The following PPP1R16A variants were observed in gnomAD, a reference collection of about 807,000 sequenced individuals.
PPP1R16A encodes the protein protein phosphatase 1 regulatory subunit 16A, also known as myosin phosphatase-targeting subunit 3.
In PPP1R16A, 39 loss-of-function variants were observed where a neutral mutation model predicts 46.6. That is an observed-to-expected ratio of 0.84 (90% confidence interval 0.65 to 1.09). The LOEUF is 1.09. Ranked by LOEUF, PPP1R16A falls within the 50% of genes least tolerant of loss-of-function variation. PPP1R16A has a pLI of 0.00. For synonymous variants in PPP1R16A, 413 were observed against 321.5 expected, an observed-to-expected ratio of 1.28 and a Z score of -3.04; for missense variants, 798 against 735.6, an observed-to-expected ratio of 1.08 and a Z score of -0.98.
At chr8:144,480,743 C>T (rs1321830098) in intron 1 of PPP1R16A, among the ~76,000 whole-genome samples, 5 of 152,276 alleles carry the variant, frequency 3.3e-5, no homozygotes, top group Non-Finnish European at 7.4e-5. Context: ...CTTGGCCTCC[C>T]GAAGTGCGGG....
In PPP1R16A at chr8:144,499,076, G is replaced by C; in HGVS notation, c.476+15G>C. On this transcript the variant is annotated intron_variant, in intron 5 of 11. Transcript: ENST00000435887. ...CTCATCGCCAGGTAGGGCCTGTTGG[G>C]CGTCCTTGGCAGGGAGAGGCTTCCT... 6.4e-7 allele frequency: 1 copy of C among 1,561,192 alleles called. No homozygotes were observed. The highest frequency in any genetic ancestry group is 2.3e-5 in the East Asian group (1 of 43,980).
chr8:144,481,954 T>C (rs1825446457), intron 1 of PPP1R16A, among the ~76,000 whole-genome samples: 2 of 152,016 alleles, frequency 1.3e-5, no homozygotes, highest in East Asian at 3.9e-4. Context: ...ATTTTTTGTA[T>C]TTTTAGTAGA....
chr8:144,485,635 A>G (rs929267591), intron 1 of PPP1R16A, among the ~76,000 whole-genome samples: 7 of 152,220 alleles, frequency 4.6e-5, no homozygotes, highest in South Asian at 2.1e-4. Flanking sequence ...GCACCTGTCA[A>G]TGGAGTACAG....
chr8:144,492,028 A>G (rs901033819), intron 2 of PPP1R16A, among the ~76,000 whole-genome samples: 2 of 152,266 alleles, frequency 1.3e-5, no homozygotes, highest in South Asian at 2.1e-4. Context: ...TAACTGGGCT[A>G]TTAAAGCCCC....
intron 5 of PPP1R16A, 35 bp downstream of exon 5, chr8:144,499,096 C>A: frequency 6.5e-7 from 1 of 1,546,772 alleles, no homozygotes; most frequent in Non-Finnish European, 8.7e-7. Context: ...CAGGGAGAGG[C>A]TTCCTCTCAG....
rs1421772897 is a variant in PPP1R16A at position 144,500,967 on chromosome 8, C to T, written c.1033C>T (p.Arg345Cys). ...LRRRTSSAGS[R>C]GKVVRRVSLT... is the part of the protein sequence containing the mutation. ...CCGCCGCACCTCCAGCGCCGGCAGCCGCGGGTGAGCGCCGCCCCCAGCAGG... is the reference window on the plus strand; with the variant it reads ...CCGCCGCACCTCCAGCGCCGGCAGCTGCGGGTGAGCGCCGCCCCCAGCAGG... The change falls in exon 10 of 12, where the codon CGC becomes TGC. Residue 345 changes from arginine (R) to cysteine (C), a missense_variant. Physicochemically the swap from Arg to Cys is radical, Grantham distance 180 (BLOSUM62 -3). Transcript: ENST00000435887. 1 of 1,451,220 alleles carries T rather than the reference C, an allele frequency of 6.9e-7. No individual in the cohort carries two copies. Among genetic ancestry groups the T allele is most frequent in the Non-Finnish European group, 9.0e-7 (1 of 1,112,788 alleles). 89.9% of individuals were successfully genotyped at this position (1,451,220 alleles called of 1,614,324 possible). A position where few individuals can be genotyped will look rare whatever the true frequency, so the allele number is the denominator to read the frequency against.
At chr8:144,488,630 G>C (rs1202139973) in intron 1 of PPP1R16A, among the ~76,000 whole-genome samples, 1 of 152,162 alleles carries the variant, frequency 6.6e-6, no homozygotes, top group East Asian at 1.9e-4. Flanking sequence ...GGGATAGGCA[G>C]TCCACAAAGG....
At position 144,493,745 on chromosome 8, in the gene PPP1R16A, C is replaced by T. The variant is rs1318679176; in HGVS notation, c.-734-2716C>T. Among the ~76,000 whole-genome samples the T allele has an allele frequency of 6.6e-6, 1 of 152,154 alleles. No individual in the cohort carries two copies. Among genetic ancestry groups the T allele is most frequent in the Non-Finnish European group, 1.5e-5 (1 of 67,982 alleles). On this transcript the variant is annotated intron_variant, in intron 2 of 11. Transcript: ENST00000435887. This position sits in a 1 kb window ranked among gnomAD's most constrained non-coding sequence, Gnocchi z 4.3. ...GGGGCCCTGGGCTCACTTTGGGTAC[C>T]TCGTTTTCTCTTAGAGGAGGCAGTT...
chr8:144,501,520 G>A lies in PPP1R16A; in HGVS notation c.1204G>A (p.Glu402Lys). 6.5e-7 allele frequency: 1 copy of A among 1,547,752 alleles called. No homozygotes were observed. The highest frequency in any genetic ancestry group is 8.7e-7 in the Non-Finnish European group (1 of 1,145,904). Reference protein sequence around the residue: ...GAELRPPPPEEDNPEVVRPHN... With the variant: ...GAELRPPPPEKDNPEVVRPHN... The stretch of plus-strand genomic sequence containing the variant: ...GCTCTGGGACCTTCACTGCCCGCAG[G>A]AGGACAACCCCGAAGTGGTCAGGCC... Residue 402 changes from glutamate to lysine, a missense_variant and splice_region_variant, in exon 12 of 12, where the codon GAG becomes AAG. Physicochemically the swap from Glu to Lys is moderately conservative, Grantham distance 56. Coordinates refer to ENST00000435887, the MANE Select transcript of PPP1R16A (RefSeq NM_001329443.2).
rs1298602221 is a variant in PPP1R16A, at chr8:144,497,084, T to A, written c.-111T>A. The A allele has an allele frequency of 7.1e-7, 1 of 1,401,774 alleles. No individual in the cohort carries two copies. The highest frequency in any genetic ancestry group is 1.4e-5 in the African/African-American group (1 of 70,312). 86.8% of individuals were successfully genotyped at this position (1,401,774 alleles called of 1,614,324 possible). A position where few individuals can be genotyped will look rare whatever the true frequency, so the allele number is the denominator to read the frequency against. ...AGGGCACGAAGCTCTGGGAAGGGGA[T>A]GCCCCCGAGGGTGCCAGTCCAGCTA... is the stretch of plus-strand genomic sequence containing the variant. On this transcript the variant is annotated 5_prime_UTR_variant, in exon 3 of 12. It removes an upstream start codon present in the reference 5' UTR. Coordinates refer to ENST00000435887, the MANE Select transcript of PPP1R16A (RefSeq NM_001329443.2).
In PPP1R16A at chr8:144,500,174, C is replaced by T; in HGVS notation, c.555C>T (p.Cys185=). The change falls in exon 6 of 12, where the codon TGC becomes TGT. Residue 185 remains cysteine (C), a synonymous_variant. Coordinates refer to ENST00000435887, the MANE Select transcript of PPP1R16A (RefSeq NM_001329443.2). ...GTGATGATGAGCAGACGCTGGACTG[C>T]CTGGAGACTGCCATGGCCGACCGTG... ...DLCDDEQTLD[C]LETAMADRGI... 1 of 1,611,142 alleles carries T rather than the reference C, an allele frequency of 6.2e-7. No homozygotes were observed. The highest frequency in any genetic ancestry group is 8.5e-7 in the Non-Finnish European group (1 of 1,178,884).
chr8:144,485,401 G>C (rs1288526460), intron 1 of PPP1R16A, among the ~76,000 whole-genome samples: 2 of 151,632 alleles, frequency 1.3e-5, no homozygotes, highest in Non-Finnish European at 2.9e-5. Context: ...GCACACACCT[G>C]TAATCCCAGC....
In PPP1R16A at chr8:144,501,653, C is replaced by G. The variant is rs747777499; in HGVS notation, c.1337C>G (p.Thr446Ser). 1.2e-6 allele frequency: 2 copies of G among 1,610,834 alleles called. No individual in the cohort carries two copies. Among genetic ancestry groups the G allele is most frequent in the Middle Eastern group, 1.6e-4 (1 of 6,080 alleles). The stretch of plus-strand genomic sequence containing the variant: ...CCCCTGGACAGCACCACCCCCCACA[C>G]CCTGGTCCACGACAAGGCCCACCAC... ...LSPLDSTTPH[T>S]LVHDKAHHTL... The change falls in exon 12 of 12, where the codon ACC becomes AGC. Residue 446 changes from threonine (T) to serine (S), a missense_variant. Physicochemically the swap from Thr to Ser is moderately conservative, Grantham distance 58 (BLOSUM62 1). Transcript: ENST00000435887.
At chr8:144,499,967 G>A in intron 5 of PPP1R16A, 129 bp from the exon 6 acceptor site, 1 of 869,298 alleles carries the variant, frequency 1.2e-6, no homozygotes. Context: ...TCTCCCAGCA[G>A]CAGGTGGACA....
In PPP1R16A at chr8:144,497,009, C is replaced by T; in HGVS notation, c.-186C>T. On this transcript the variant is annotated 5_prime_UTR_variant, in exon 3 of 12. Transcript: ENST00000435887. ...GCCCTCCCTGCCCCGGCCCATGCCC[C>T]CCAGGGCTGCCTGGGCCTGGTTATT... is the stretch of plus-strand genomic sequence containing the variant. 1 of 767,114 alleles carries T rather than the reference C, an allele frequency of 1.3e-6. No homozygotes were observed. Among genetic ancestry groups the T allele is most frequent in the Non-Finnish European group, 2.1e-6 (1 of 483,504 alleles). The allele number at this position is 767,114 out of a possible 1,614,324, so 47.5% of individuals were successfully genotyped here.
At position 144,499,040 on chromosome 8, in the gene PPP1R16A, T is replaced by A. The variant is rs1409715203; in HGVS notation, c.455T>A (p.Leu152Gln). 1 of 1,584,676 alleles carries A rather than the reference T, an allele frequency of 6.3e-7. No individual in the cohort carries two copies. The highest frequency in any genetic ancestry group is 8.6e-7 in the Non-Finnish European group (1 of 1,161,964). Residue 152 changes from leucine (L) to glutamine (Q), a missense_variant, in exon 5 of 12, where the codon CTG becomes CAG. Leu to Gln is a moderately radical substitution (Grantham distance 113). Transcript: ENST00000435887. ...HAAATCGHLHLVELLIASGAN... is the reference protein window; with the variant it reads ...HAAATCGHLHQVELLIASGAN... Reference sequence around the variant, plus strand: ...GCGGCCACCTGCGGCCACCTGCACCTGGTGGAGCTGCTCATCGCCAGGTAG... The same window carrying A: ...GCGGCCACCTGCGGCCACCTGCACCAGGTGGAGCTGCTCATCGCCAGGTAG...
At chr8:144,486,024 T>C (rs112174230) in intron 1 of PPP1R16A, among the ~76,000 whole-genome samples, 3,387 of 152,338 alleles carry the variant, frequency 0.022, 115 homozygotes, top group African/African-American at 0.068. Context: ...AGGAAACGTC[T>C]ATGGTATGGA....
intron 1 of PPP1R16A, among the ~76,000 whole-genome samples, chr8:144,486,890 GTGCTTT>G (rs1825645123): frequency 6.6e-6 from 1 of 152,144 alleles, no homozygotes; most frequent in South Asian, 2.1e-4. Context: ...TTTATAGACT[GTGCTTT>G]TGCTTTTGGT....
At chr8:144,478,280 A>C (rs572503835) in intron 1 of PPP1R16A, 153 bp downstream of exon 1, 1 of 380,330 alleles carries the variant, frequency 2.6e-6, no homozygotes, top group Admixed American at 4.6e-5. Context: ...GAGGAGAGGG[A>C]GGAGGCCGGG....
Sources: gnomAD v4.1 joint callset for allele counts (sites outside exome capture counted in the v4.1 genomes callset) on GRCh38, gnomAD v4.1.1 for gene constraint, Gnocchi (gnomAD v3.1) non-coding constraint, MANE v1.5 for transcripts, NCBI Gene and HGNC (gene_info 2026-07-23, HGNC 2026-07-21) for gene names.